Variants in ERAP1 observed in about 807,000 individuals in gnomAD.
ERAP1 encodes the protein adipocyte-derived leucine aminopeptidase.
A neutral mutation model predicts 103.7 loss-of-function variants in ERAP1; 86 were observed. The ratio of observed to expected loss-of-function variants is 0.83; its 90% CI spans 0.70 to 0.99. The LOEUF (loss-of-function observed/expected upper bound fraction) is 0.99. Ranked by LOEUF, ERAP1 falls within the 50% of genes least tolerant of loss-of-function variation. The pLI is 0.00. For missense variants in ERAP1, 1,009 were observed against 1,128.4 expected, an observed-to-expected ratio of 0.89 and a Z score of 1.52; for synonymous variants, 398 against 402.4, an observed-to-expected ratio of 0.99 and a Z score of 0.13.
chr5:96,768,089 A>G, intron 19 of ERAP1: 1 of 882,984 alleles, frequency 1.1e-6, no homozygotes, highest in Non-Finnish European at 1.9e-6. Context: ...TGATCTATCT[A>G]TCGGTCTGTC....
At chr5:96,868,998 G>A in the ERAP1 span, among the ~76,000 whole-genome samples, 3 of 151,854 alleles carry the variant, frequency 2.0e-5, no homozygotes, top group African/African-American at 7.3e-5. Context: ...TGTGTGATTT[G>A]CCTCAAGATG....
chr5:96,785,411 A>T, intron 13 of ERAP1: 1 of 327,266 alleles, frequency 3.1e-6, no homozygotes, highest in Non-Finnish European at 6.0e-6. Flanking sequence ...CAAGGCTGTT[A>T]TAAAGACCCA....
chr5:96,922,889 T>C, the ERAP1 span, among the ~76,000 whole-genome samples: 2 of 152,372 alleles, frequency 1.3e-5, no homozygotes, highest in Admixed American at 1.3e-4. Context: ...GAAGCCATTA[T>C]TAGGTAGGAC....
At chr5:96,781,439 G>C (rs1775155877) in intron 16 of ERAP1, among the ~76,000 whole-genome samples, 1 of 152,022 alleles carries the variant, frequency 6.6e-6, no homozygotes, top group South Asian at 2.1e-4. Context: ...AATAGTTAAG[G>C]AAGAGTAGCT....
the ERAP1 span, chr5:96,917,628 T>C: frequency 6.5e-7 from 1 of 1,549,514 alleles, no homozygotes; most frequent in South Asian, 1.1e-5. Flanking sequence ...AAAAGTAGGC[T>C]GGGCGCGGTG....
chr5:96,924,365 G>T, the ERAP1 span, among the ~76,000 whole-genome samples: 460 of 152,310 alleles, frequency 3.0e-3, 1 homozygote, highest in Non-Finnish European at 4.5e-3. Context: ...AATCAGCTGA[G>T]AGTCAGCCAA....
At chr5:96,765,327 T>TAAAAAAAAAAAAAAAA (rs59338324) in intron 19 of ERAP1, 1 of 457,942 alleles carries the variant, frequency 2.2e-6, no homozygotes, top group Admixed American at 4.8e-5. Flanking sequence ...AAAGTAAAGG[T>TAAAAAAAAAAAAAAAA]AAAAAAAAAA....
chr5:96,882,430 G>A, the ERAP1 span, among the ~76,000 whole-genome samples: 1 of 152,126 alleles, frequency 6.6e-6, no homozygotes, highest in Admixed American at 6.6e-5. Context: ...TTCATACTCA[G>A]TCACCTAGTA....
chr5:96,775,249 G>T lies in ERAP1; in HGVS notation c.*1147C>A. The T allele has an allele frequency of 3.1e-6, 3 of 952,796 alleles. No homozygotes were observed. Among genetic ancestry groups the T allele is most frequent in the Non-Finnish European group, 3.7e-6 (3 of 817,502 alleles). The allele number at this position is 952,796 out of a possible 1,614,324, so 59.0% of individuals were successfully genotyped here. On this transcript the variant is annotated 3_prime_UTR_variant, in exon 19 of 19. Coordinates refer to ENST00000443439, the MANE Select transcript of ERAP1 (RefSeq NM_001040458.3). ...AGCAACTGTGTGCTGAAGCAACCGT[G>T]TGTGAAGTCTTCACAAAAGAAAGAA...
At chr5:96,806,406 G>A (rs191639899) in intron 1 of ERAP1, among the ~76,000 whole-genome samples, 9 of 152,306 alleles carry the variant, frequency 5.9e-5, no homozygotes, top group Non-Finnish European at 1.2e-4. Flanking sequence ...TAGAAGCCAA[G>A]GAGGAAAAAG....
chr5:96,783,028 T>C (rs770043661), intron 15 of ERAP1, 23 bp downstream of exon 15: 18 of 1,612,638 alleles, frequency 1.1e-5, no homozygotes, highest in Non-Finnish European at 1.5e-5. Context: ...CATCAACAAA[T>C]TGGTTATTTA....
chr5:96,811,165 T>C (rs919281791), upstream of ERAP1, among the ~76,000 whole-genome samples: 2 of 152,186 alleles, frequency 1.3e-5, no homozygotes, highest in Non-Finnish European at 2.9e-5. Flanking sequence ...GATGACTTTT[T>C]TCCCCCTCTG....
rs764993926 is a variant in ERAP1 at position 96,776,470 on chromosome 5, T to G, written c.2752A>C (p.Asn918His). 2 of 1,614,210 alleles carry G rather than the reference T, an allele frequency of 1.2e-6. No homozygotes were observed. Among genetic ancestry groups the G allele is most frequent in the South Asian group, 2.2e-5 (2 of 91,070 alleles). Residue 918 changes from asparagine (N) to histidine (H), a missense_variant, in exon 19 of 19, where the codon AAC (asparagine) becomes CAC (histidine). Asn to His is a moderately conservative substitution (Grantham distance 68, BLOSUM62 1). Around this residue, in one of 3 missense-constraint regions of ERAP1, gnomAD observed 611 missense variants for 651.7 expected, o/e 0.94. Coordinates refer to ENST00000443439, the MANE Select transcript of ERAP1 (RefSeq NM_001040458.3). ...VQQTIETIEE[N>H]IGWMDKNFDK... The stretch of plus-strand genomic sequence containing the variant: ...AAATTCTTATCCATCCAACCGATGT[T>G]TTCTTCAATGGTTTCAATTGTCTGT...
At chr5:96,891,369 G>GTATA in the ERAP1 span, among the ~76,000 whole-genome samples, 1 of 34,354 alleles carries the variant, frequency 2.9e-5, no homozygotes, top group African/African-American at 8.5e-5. Flanking sequence ...ATATATATAT[G>GTATA]TGTATATATA....
chr5:96,914,420 G>A, the ERAP1 span, among the ~76,000 whole-genome samples: 12 of 152,278 alleles, frequency 7.9e-5, no homozygotes, highest in Admixed American at 7.2e-4. Context: ...TGCTCAAGGA[G>A]TTGACGTCCA....
rs139576768 is a variant in ERAP1 at position 96,776,478 on chromosome 5, A to G, written c.2744T>C (p.Ile915Thr). 6.1e-4 allele frequency: 980 copies of G among 1,614,176 alleles called. 4 individuals are homozygous for G. The highest frequency in any genetic ancestry group is 5.9e-3 in the African/African-American group (440 of 75,070). The change falls in exon 19 of 19, where the codon ATT becomes ACT. Residue 915 changes from isoleucine (I) to threonine (T), a missense_variant. Around this residue, in one of 3 missense-constraint regions of ERAP1, gnomAD observed 611 missense variants for 651.7 expected, o/e 0.94. Coordinates refer to ENST00000443439, the MANE Select transcript of ERAP1 (RefSeq NM_001040458.3). ...ATCCATCCAACCGATGTTTTCTTCA[A>G]TGGTTTCAATTGTCTGTTGGACACA... is the stretch of plus-strand genomic sequence containing the variant. ...LRCVQQTIET[I>T]EENIGWMDKN...
the ERAP1 span, chr5:96,912,845 A>C: frequency 6.7e-7 from 1 of 1,501,256 alleles, no homozygotes; most frequent in Non-Finnish European, 9.0e-7. Flanking sequence ...ACTGACACAA[A>C]TTCAGTGAAG....
chr5:96,867,224 C>T, the ERAP1 span, among the ~76,000 whole-genome samples: 1 of 152,078 alleles, frequency 6.6e-6, no homozygotes, highest in African/African-American at 2.4e-5. Flanking sequence ...CCAGGGTAGT[C>T]TCGAACTCCT....
chr5:96,871,516 C>T, the ERAP1 span, among the ~76,000 whole-genome samples: 5 of 152,174 alleles, frequency 3.3e-5, no homozygotes, highest in Admixed American at 1.3e-4. Context: ...TGAAAGCATG[C>T]AAATTTACTT....
Sources: allele counts gnomAD v4.1 joint callset (sites outside exome capture counted in the v4.1 genomes callset), GRCh38; gene constraint gnomAD v4.1.1; regional missense constraint gnomAD v4.1.1; transcripts MANE v1.5; gene names NCBI Gene and HGNC (gene_info 2026-07-23, HGNC 2026-07-21).